Variants in OSBPL9 observed in about 807,000 individuals in gnomAD.
OSBPL9 encodes the protein oxysterol-binding protein-related protein 9.
Under a neutral mutation model 106.6 loss-of-function variants are expected in OSBPL9, and 40 were observed. The observed-to-expected ratio is 0.38, with a 90% CI of 0.29 to 0.49. The LOEUF (loss-of-function observed/expected upper bound fraction) is 0.49, where lower values mean the gene tolerates loss of function less well. OSBPL9 is among the 20% of genes least tolerant of loss of function. OSBPL9 has a pLI of 0.97. For synonymous variants in OSBPL9, 269 were observed against 295.4 expected, an observed-to-expected ratio of 0.91 and a Z score of 0.92; for missense variants, 609 against 887.2, an observed-to-expected ratio of 0.69 and a Z score of 3.98.
At chr1:51,603,880 A>G (rs1156555071) in intron 2 of OSBPL9, among the ~76,000 whole-genome samples, 1 of 152,212 alleles carries the variant, frequency 6.6e-6, no homozygotes, top group Non-Finnish European at 1.5e-5. Flanking sequence ...TGTATACATT[A>G]TTAAGCTAGT....
At chr1:51,612,922 A>T (rs1337341426), upstream of OSBPL9, among the ~76,000 whole-genome samples, 2 of 152,198 alleles carry the variant, frequency 1.3e-5, no homozygotes, top group African/African-American at 4.8e-5. Flanking sequence ...TAGTTGTGTG[A>T]CTTTTGGCAA....
At chr1:51,606,908 G>A (rs1459591225) in intron 2 of OSBPL9, among the ~76,000 whole-genome samples, 2 of 151,850 alleles carry the variant, frequency 1.3e-5, no homozygotes, top group Admixed American at 1.3e-4. Context: ...AAATTAGCCG[G>A]GCATGGTGGC....
intron 1 of OSBPL9, among the ~76,000 whole-genome samples, chr1:51,642,056 A>T (rs1031648225): frequency 6.6e-6 from 1 of 152,168 alleles, no homozygotes. Context: ...GGTTTAACAG[A>T]CTTAGTAACA....
intron 6 of OSBPL9, 21 bp from the exon 7 acceptor site, chr1:51,748,348 T>C: frequency 6.6e-7 from 1 of 1,518,866 alleles, no homozygotes; most frequent in Non-Finnish European, 8.7e-7. Context: ...TATTTCTGTT[T>C]AAACTTATTA....
intron 15 of OSBPL9, 125 bp downstream of exon 15, chr1:51,777,043 T>C (rs1675246694): frequency 1.4e-5 from 11 of 768,292 alleles, no homozygotes; most frequent in East Asian, 2.5e-5. Context: ...TTCTGTGGTA[T>C]TGAATAATGT....
intron 3 of OSBPL9, among the ~76,000 whole-genome samples, chr1:51,689,118 C>T (rs1654440367): frequency 6.6e-6 from 1 of 152,146 alleles, no homozygotes; most frequent in Admixed American, 6.6e-5. Flanking sequence ...GGCTTCCTTA[C>T]CTGCAATGTG....
chr1:51,591,956 C>T (rs1645277218), intron 1 of OSBPL9, among the ~76,000 whole-genome samples: 1 of 152,132 alleles, frequency 6.6e-6, no homozygotes, highest in Non-Finnish European at 1.5e-5. Flanking sequence ...CCTCAGAACC[C>T]TGGACCCCCG....
chr1:51,685,228 A>G (rs982436232), intron 3 of OSBPL9, among the ~76,000 whole-genome samples: 1 of 152,216 alleles, frequency 6.6e-6, no homozygotes, highest in African/African-American at 2.4e-5. Context: ...TTTGAAAACC[A>G]TCCTAGAAGA....
chr1:51,776,683 T>C, intron 14 of OSBPL9, 150 bp from the exon 15 acceptor site: 1 of 579,312 alleles, frequency 1.7e-6, no homozygotes, highest in East Asian at 2.8e-5. Context: ...GGTTGAGAAT[T>C]AGTTTTTGGA....
At position 51,729,933 on chromosome 1, in the gene OSBPL9, G is replaced by A. The variant is rs1304563909; in HGVS notation, c.319-15603G>A. 3 of 1,307,742 alleles carry A rather than the reference G, an allele frequency of 2.3e-6. No individual in the cohort carries two copies. Among genetic ancestry groups the A allele is most frequent in the Non-Finnish European group, 2.9e-6 (3 of 1,020,044 alleles). 81.0% of individuals were successfully genotyped at this position (1,307,742 alleles called of 1,614,324 possible). On this transcript the variant is annotated intron_variant, in intron 4 of 23. Coordinates refer to ENST00000428468, the MANE Select transcript of OSBPL9 (RefSeq NM_024586.6). This position sits in a 1 kb window ranked among gnomAD's most constrained non-coding sequence, Gnocchi z 5.1. Reference sequence around the variant, plus strand: ...AAAGGGGTGCTCGGGAGCAGCCCCCGGCTACCTCCCCTGGAGGCACAGAGG... The same window carrying A: ...AAAGGGGTGCTCGGGAGCAGCCCCCAGCTACCTCCCCTGGAGGCACAGAGG...
At chr1:51,753,090 C>T (rs1669608368) in intron 8 of OSBPL9, among the ~76,000 whole-genome samples, 1 of 152,042 alleles carries the variant, frequency 6.6e-6, no homozygotes, top group Non-Finnish European at 1.5e-5. Context: ...ATTTTTTTTA[C>T]TTAGCCACCT....
At chr1:51,617,256 G>A in intron 1 of OSBPL9, 35 bp downstream of exon 1, 12 of 1,565,398 alleles carry the variant, frequency 7.7e-6, no homozygotes, top group Non-Finnish European at 9.6e-6. Flanking sequence ...CAGGCGCCTC[G>A]GGGCCGCGTT....
At chr1:51,626,047 A>G (rs528856635) in intron 1 of OSBPL9, among the ~76,000 whole-genome samples, 27 of 152,160 alleles carry the variant, frequency 1.8e-4, no homozygotes, top group African/African-American at 6.0e-4. Flanking sequence ...TATTTCTTGT[A>G]TTTTATCTTA....
At chr1:51,760,661 A>G in intron 9 of OSBPL9, 29 bp from the exon 10 acceptor site, 1 of 1,612,940 alleles carries the variant, frequency 6.2e-7, no homozygotes, top group Non-Finnish European at 8.5e-7. Context: ...TTTAATTAAA[A>G]ATAGCTATAT....
intron 6 of OSBPL9, 145 bp downstream of exon 6, chr1:51,746,902 T>A (rs910851653): frequency 3.3e-6 from 2 of 605,248 alleles, no homozygotes; most frequent in African/African-American, 1.9e-5. Context: ...TCAAGGGTAC[T>A]TTTCTGATAA....
chr1:51,548,207 T>C, the OSBPL9 span, among the ~76,000 whole-genome samples: 1 of 152,302 alleles, frequency 6.6e-6, no homozygotes, highest in Non-Finnish European at 1.5e-5. Flanking sequence ...GGTAGAATTA[T>C]GCAGGCATTT....
chr1:51,776,958 G>C (rs755191114), intron 15 of OSBPL9, 40 bp downstream of exon 15: 18 of 1,454,238 alleles, frequency 1.2e-5, no homozygotes, highest in Non-Finnish European at 1.6e-5. Flanking sequence ...GTTTACAGAT[G>C]TTACTCAGCA....
At chr1:51,771,962 C>T (rs1267082182) in intron 12 of OSBPL9, 108 bp from the exon 13 acceptor site, 1 of 727,818 alleles carries the variant, frequency 1.4e-6, no homozygotes, top group East Asian at 2.9e-5. Flanking sequence ...CAAGAGAATT[C>T]TAAAGCATAT....
the OSBPL9 span, among the ~76,000 whole-genome samples, chr1:51,525,023 G>C: frequency 1.6e-4 from 24 of 152,324 alleles, no homozygotes; most frequent in East Asian, 4.2e-3. Context: ...GCTGCAGACA[G>C]AACAAAGCTG....
Sources: allele counts gnomAD v4.1 joint callset (sites outside exome capture counted in the v4.1 genomes callset), GRCh38; gene constraint gnomAD v4.1.1; non-coding constraint Gnocchi (gnomAD v3.1); transcripts MANE v1.5; gene names NCBI Gene and HGNC (gene_info 2026-07-23, HGNC 2026-07-21).